The following PRKG1 variants were observed in gnomAD, a reference collection of about 807,000 sequenced individuals.
PRKG1 encodes the protein protein kinase cGMP-dependent 1.
In PRKG1, 35 loss-of-function variants were observed where a neutral mutation model predicts 88.1. The ratio of observed to expected loss-of-function variants is 0.40; its 90% CI spans 0.30 to 0.53. The LOEUF is 0.53. Ranked by LOEUF, PRKG1 falls within the 20% of genes least tolerant of loss-of-function variation. PRKG1 has a pLI of 0.59. For missense variants in PRKG1, 540 were observed against 839.8 expected, an observed-to-expected ratio of 0.64 and a Z score of 4.41; for synonymous variants, 303 against 292.5, an observed-to-expected ratio of 1.04 and a Z score of -0.37.
intron 3 of PRKG1, among the ~76,000 whole-genome samples, chr10:51,498,081 TG>T (rs1170495780): frequency 6.6e-6 from 1 of 152,176 alleles, no homozygotes. Context: ...TTCTTGTTCA[TG>T]GGTTAGTGCT....
intron 3 of PRKG1, among the ~76,000 whole-genome samples, chr10:51,593,007 T>G (rs1464982457): frequency 6.6e-6 from 1 of 152,220 alleles, no homozygotes; most frequent in Non-Finnish European, 1.5e-5. Context: ...TCACTATCAA[T>G]TTAAAAGACA....
intron 14 of PRKG1, among the ~76,000 whole-genome samples, chr10:52,285,981 T>A (rs1263181346): frequency 1.3e-5 from 2 of 152,108 alleles, no homozygotes; most frequent in Non-Finnish European, 2.9e-5. Flanking sequence ...ATTATGTGTA[T>A]GAATATAATA....
intron 9 of PRKG1, among the ~76,000 whole-genome samples, chr10:52,238,660 G>T (rs1445331617): frequency 4.7e-5 from 7 of 149,168 alleles, no homozygotes; most frequent in Non-Finnish European, 1.0e-4. Flanking sequence ...TCATTAAAAA[G>T]TCAGGAAACA....
intron 4 of PRKG1, among the ~76,000 whole-genome samples, chr10:51,806,732 A>G (rs1248175620): frequency 6.6e-6 from 1 of 152,128 alleles, no homozygotes. Context: ...TTCCTGTTGC[A>G]TTATTTACAG....
chr10:52,114,015 C>A (rs1485947058), intron 7 of PRKG1, among the ~76,000 whole-genome samples: 1 of 151,988 alleles, frequency 6.6e-6, no homozygotes, highest in African/African-American at 2.4e-5. Flanking sequence ...GATCGTCTTT[C>A]TTCAGATACA....
At chr10:51,570,453 C>T (rs1837724205) in intron 3 of PRKG1, among the ~76,000 whole-genome samples, 1 of 151,856 alleles carries the variant, frequency 6.6e-6, no homozygotes, top group South Asian at 2.1e-4. Context: ...AGGTCTTCAT[C>T]CTCACTGCCT....
intron 2 of PRKG1, among the ~76,000 whole-genome samples, chr10:51,193,527 G>T (rs553447311): frequency 9.2e-5 from 14 of 152,004 alleles, no homozygotes; most frequent in African/African-American, 3.4e-4. Flanking sequence ...GATCATCTGC[G>T]CCATCAGTGC....
chr10:51,829,574 G>T (rs1839955045), intron 4 of PRKG1, among the ~76,000 whole-genome samples: 1 of 152,152 alleles, frequency 6.6e-6, no homozygotes, highest in Non-Finnish European at 1.5e-5. Flanking sequence ...ATGATGCTGT[G>T]GTCATGTAAG....
chr10:51,646,758 T>G (rs994506153), intron 3 of PRKG1, among the ~76,000 whole-genome samples: 1 of 152,070 alleles, frequency 6.6e-6, no homozygotes, highest in Middle Eastern at 3.4e-3. Context: ...AAATAAATAA[T>G]GTAATATATT....
intron 2 of PRKG1, among the ~76,000 whole-genome samples, chr10:51,407,304 T>G (rs1464196035): frequency 2.0e-5 from 2 of 99,072 alleles, no homozygotes; most frequent in African/African-American, 7.4e-5. Context: ...GAGACAATAA[T>G]GTCATAATTA....
At chr10:51,730,369 A>G (rs1842243199) in intron 3 of PRKG1, among the ~76,000 whole-genome samples, 1 of 152,218 alleles carries the variant, frequency 6.6e-6, no homozygotes, top group African/African-American at 2.4e-5. Context: ...ATGAATGACA[A>G]TTGAAAATGT....
intron 4 of PRKG1, among the ~76,000 whole-genome samples, chr10:51,832,453 A>AAATC (rs1840026941): frequency 6.6e-6 from 1 of 152,210 alleles, no homozygotes; most frequent in Admixed American, 6.5e-5. Context: ...TAAGATGCTG[A>AAATC]ATCAAGAATA....
chr10:52,196,341 G>A (rs1244272378), intron 9 of PRKG1, among the ~76,000 whole-genome samples: 4 of 152,130 alleles, frequency 2.6e-5, no homozygotes, highest in Admixed American at 6.5e-5. Flanking sequence ...GATCATACTT[G>A]AGTCTTGTCT....
At chr10:51,146,982 T>TA in intron 1 of PRKG1, among the ~76,000 whole-genome samples, 1 of 152,310 alleles carries the variant, frequency 6.6e-6, no homozygotes, top group Non-Finnish European at 1.5e-5. Flanking sequence ...AATGAAATCC[T>TA]GTCATTTGTA....
intron 3 of PRKG1, among the ~76,000 whole-genome samples, chr10:51,514,861 G>C (rs1170452329): frequency 1.3e-5 from 2 of 152,140 alleles, no homozygotes; most frequent in African/African-American, 2.4e-5. Context: ...AGGCACTGCA[G>C]ACTTTTACAT....
At chr10:51,981,622 A>G (rs917181426) in intron 5 of PRKG1, among the ~76,000 whole-genome samples, 3 of 152,084 alleles carry the variant, frequency 2.0e-5, no homozygotes, top group Non-Finnish European at 4.4e-5. Flanking sequence ...AATAAAAAAA[A>G]GAATATTTAA....
chr10:52,119,195 T>A (rs974442897), intron 7 of PRKG1, among the ~76,000 whole-genome samples: 6 of 152,170 alleles, frequency 3.9e-5, no homozygotes, highest in Non-Finnish European at 8.8e-5. Flanking sequence ...GGATTCAAGA[T>A]GAATCATCTC....
chr10:51,689,888 C>A (rs114985331), intron 3 of PRKG1, among the ~76,000 whole-genome samples: 375 of 152,204 alleles, frequency 2.5e-3, no homozygotes, highest in Middle Eastern at 6.8e-3. Flanking sequence ...GAGTAAGGGG[C>A]CAACGGTAGT....
rs1176008995 is a variant in PRKG1 at position 51,487,412 on chromosome 10, A to G, written c.592+19576A>G. Among the ~76,000 whole-genome samples the G allele has an allele frequency of 3.9e-5, 6 of 152,302 alleles. 1 individual carries two copies. The South Asian group carries it at 1.2e-3, about 32-fold the overall frequency. On this transcript the variant is annotated intron_variant, in intron 3 of 17. Coordinates refer to ENST00000373980, the MANE Select transcript of PRKG1 (RefSeq NM_006258.4). The stretch of plus-strand genomic sequence containing the variant: ...CTTGAAAACCAGAATTGTATTTACA[A>G]GTATGAACTCTATAGTCAAATAAAT...
Sources: gnomAD v4.1 joint callset for allele counts (sites outside exome capture counted in the v4.1 genomes callset) on GRCh38, gnomAD v4.1.1 for gene constraint, MANE v1.5 for transcripts, NCBI Gene and HGNC (gene_info 2026-07-23, HGNC 2026-07-21) for gene names.